The following ABCA13 variants were observed in gnomAD, a reference collection of about 807,000 sequenced individuals.
The protein encoded by ABCA13 is ATP-binding cassette sub-family A member 13.
Under a neutral mutation model 478.7 loss-of-function variants are expected in ABCA13, and 476 were observed. The observed-to-expected ratio is 0.99, with a 90% CI of 0.92 to 1.07. The LOEUF is 1.07. ABCA13 is among the 50% of genes least tolerant of loss of function. The probability of loss-of-function intolerance (pLI) is 0.00; values close to 1 mark genes in which losing one functional copy is unlikely to be tolerated. For missense variants in ABCA13, 6,060 were observed against 5,910.6 expected (o/e 1.03, Z -0.83); for synonymous variants, 2,252 against 2,158.9 (o/e 1.04, Z -1.20).
chr7:48,197,284 G>A (rs1480847294), intron 2 of ABCA13, among the ~76,000 whole-genome samples: 1 of 152,190 alleles, frequency 6.6e-6, no homozygotes, highest in Non-Finnish European at 1.5e-5. Flanking sequence ...GACAAGAAGC[G>A]GTCACAGACC....
At chr7:48,467,066 GC>G in intron 44 of ABCA13, 21 bp downstream of exon 44, 1 of 1,607,812 alleles carries the variant, frequency 6.2e-7, no homozygotes, top group Non-Finnish European at 8.5e-7. Context: ...GGTGCTCTCT[GC>G]AAAAGTGAAC....
intron 14 of ABCA13, among the ~76,000 whole-genome samples, 191 bp downstream of exon 14, chr7:48,248,635 T>G (rs2128688637): frequency 6.6e-6 from 1 of 152,090 alleles, no homozygotes; most frequent in Admixed American, 6.5e-5. Flanking sequence ...TATGAAAGAG[T>G]TCCCTTAATG....
chr7:48,359,014 C>T (rs535998994), intron 31 of ABCA13, among the ~76,000 whole-genome samples: 1 of 152,090 alleles, frequency 6.6e-6, no homozygotes, highest in Non-Finnish European at 1.5e-5. Flanking sequence ...CATTTGGGTG[C>T]CAGCTTTGAC....
At position 48,221,311 on chromosome 7, in the gene ABCA13, T is replaced by G; in HGVS notation, c.468+2T>G. 1.7e-6 allele frequency: 2 copies of G among 1,142,984 alleles called. No individual in the cohort carries two copies. The highest frequency in any genetic ancestry group is 2.5e-6 in the Non-Finnish European group (2 of 799,968). The allele number at this position is 1,142,984 out of a possible 1,614,324, so 70.8% of individuals were successfully genotyped here. Reference sequence around the variant, plus strand: ...TCTTATGGTTCCAGTTTTTTTACAGTAAGTATCTTAACAATAGTTTGAAAA... The same window carrying G: ...TCTTATGGTTCCAGTTTTTTTACAGGAAGTATCTTAACAATAGTTTGAAAA... On this transcript the variant is annotated splice_donor_variant, in intron 5 of 61. Transcript: ENST00000435803. LOFTEE classifies it high-confidence loss of function.
chr7:48,314,471 T>C, intron 26 of ABCA13, 62 bp downstream of exon 26: 1 of 1,357,134 alleles, frequency 7.4e-7, no homozygotes, highest in East Asian at 2.5e-5. Flanking sequence ...TAATTGGCCT[T>C]AAATTATAGT....
intron 29 of ABCA13, among the ~76,000 whole-genome samples, chr7:48,341,191 C>G (rs529820157): frequency 3.9e-5 from 6 of 152,270 alleles, no homozygotes; most frequent in South Asian, 2.1e-4. Context: ...GTTTCATGCT[C>G]TCTTGCTACT....
At chr7:48,568,351 T>C (rs898710060) in intron 55 of ABCA13, among the ~76,000 whole-genome samples, 1 of 152,110 alleles carries the variant, frequency 6.6e-6, no homozygotes, top group African/African-American at 2.4e-5. Flanking sequence ...TTTTTCTGAG[T>C]TTAATGAGAT....
Position 48,532,176 on chromosome 7 carries a change from T to A in ABCA13, c.14354+3831T>A. Among the ~76,000 whole-genome samples the A allele has an allele frequency of 1.3e-5, 2 of 152,074 alleles. 1 individual carries two copies. The highest frequency in any genetic ancestry group is 3.9e-4 in the East Asian group (2 of 5,184). ...TTAATACCTTAAGTTATGTCCCTTC[T>A]ATTCCTATTTTGCTGAGGGTTTTAA... On this transcript the variant is annotated intron_variant, in intron 55 of 61. Transcript: ENST00000435803.
intron 45 of ABCA13, among the ~76,000 whole-genome samples, chr7:48,478,841 T>C (rs975922138): frequency 6.6e-6 from 1 of 152,114 alleles, no homozygotes; most frequent in Non-Finnish European, 1.5e-5. Context: ...GAAGCTTCTT[T>C]AGCTCAGCAT....
chr7:48,248,166 C>A (rs1423800724), intron 13 of ABCA13, 73 bp from the exon 14 acceptor site: 2 of 1,302,618 alleles, frequency 1.5e-6, no homozygotes, highest in African/African-American at 2.9e-5. Context: ...GATACAGGGT[C>A]AAGGCTGCGT....
At chr7:48,304,359 T>C (rs1331408440) in intron 23 of ABCA13, among the ~76,000 whole-genome samples, 1 of 152,248 alleles carries the variant, frequency 6.6e-6, no homozygotes, top group African/African-American at 2.4e-5. Flanking sequence ...ACAGCCAGGC[T>C]GAATGGTAGT....
Position 48,505,063 on chromosome 7 carries a change from C to T in ABCA13, c.13292-1273C>T, listed in dbSNP as rs189863469. On this transcript the variant is annotated intron_variant, in intron 48 of 61. Coordinates refer to ENST00000435803, the MANE Select transcript of ABCA13 (RefSeq NM_152701.5). ...CGATGCAGCAGGTGTCAGGCACACA[C>T]ACTGCGAGCCTGGACCAGAATATCT... is the stretch of plus-strand genomic sequence containing the variant. 3.1e-3 allele frequency among the ~76,000 whole-genome samples: 468 copies of T among 152,294 alleles called. 1 individual carries two copies. The highest frequency in any genetic ancestry group is 5.5e-3 in the Non-Finnish European group (377 of 68,030).
At chr7:48,373,689 G>A (rs932013325) in intron 33 of ABCA13, among the ~76,000 whole-genome samples, 2 of 152,176 alleles carry the variant, frequency 1.3e-5, no homozygotes, top group Admixed American at 6.5e-5. Context: ...TAGAAAAAGA[G>A]TCATCCATGA....
intron 17 of ABCA13, among the ~76,000 whole-genome samples, 160 bp from the exon 18 acceptor site, chr7:48,277,934 A>G (rs908958051): frequency 1.3e-5 from 2 of 152,142 alleles, no homozygotes; most frequent in African/African-American, 4.8e-5. Flanking sequence ...ATTGAGTTTC[A>G]TCTGAAATTA....
chr7:48,514,553 G>A (rs369350301), intron 51 of ABCA13, among the ~76,000 whole-genome samples: 1 of 152,240 alleles, frequency 6.6e-6, no homozygotes, highest in African/African-American at 2.4e-5. Context: ...CCAAAATTTG[G>A]CTCACAAACT....
chr7:48,367,922 A>G lies in ABCA13; in HGVS notation c.10803+14A>G, dbSNP rs1585034178. The G allele has an allele frequency of 6.5e-7, 1 of 1,545,656 alleles. No individual in the cohort carries two copies. Among genetic ancestry groups the G allele is most frequent in the Non-Finnish European group, 8.8e-7 (1 of 1,140,552 alleles). On this transcript the variant is annotated intron_variant, in intron 32 of 61. Transcript: ENST00000435803. Reference sequence around the variant, plus strand: ...CAGATAGAAGAGGTAAATATCCTTAAACCTTGCCTGGGAGACAAAGATAGG... The same window carrying G: ...CAGATAGAAGAGGTAAATATCCTTAGACCTTGCCTGGGAGACAAAGATAGG...
chr7:48,304,475 C>T (rs1210400519), intron 23 of ABCA13, among the ~76,000 whole-genome samples: 6 of 152,222 alleles, frequency 3.9e-5, no homozygotes. Context: ...TACAATCTCA[C>T]AAACATCTTT....
intron 35 of ABCA13, among the ~76,000 whole-genome samples, chr7:48,385,793 C>CT (rs1815090041): frequency 6.6e-6 from 1 of 152,108 alleles, no homozygotes; most frequent in Admixed American, 6.5e-5. Flanking sequence ...ATAAGCATTC[C>CT]TTTTTATTCA....
rs754942491 is a variant in ABCA13, at chr7:48,275,373, C to T, written c.5707C>T (p.Leu1903Phe). ...LVDWNSILLELSEVFHVNISL... is the reference protein window; with the variant it reads ...LVDWNSILLEFSEVFHVNISL... ...GGACTGGAATTCTATTCTTCTGGAG[C>T]TCTCTGAAGTCTTCCATGTTAACAT... The change falls in exon 17 of 62, where the codon CTC becomes TTC. Residue 1903 changes from leucine (L) to phenylalanine (F), a missense_variant. Leu to Phe is a conservative substitution (Grantham distance 22, BLOSUM62 0). Around this residue, in one of 3 missense-constraint regions of ABCA13, gnomAD observed 4,423 missense variants for 4,309.1 expected, o/e 1.03. Transcript: ENST00000435803. 2 of 1,613,912 alleles carry T rather than the reference C, an allele frequency of 1.2e-6. No individual in the cohort carries two copies. Among genetic ancestry groups the T allele is most frequent in the Non-Finnish European group, 8.5e-7 (1 of 1,179,856 alleles).
Sources: allele counts gnomAD v4.1 joint callset (sites outside exome capture counted in the v4.1 genomes callset), GRCh38; gene constraint gnomAD v4.1.1; regional missense constraint gnomAD v4.1.1; transcripts MANE v1.5; gene names NCBI Gene and HGNC (gene_info 2026-07-23, HGNC 2026-07-21).